ARHGAP44: variants seen among roughly 807,000 people sequenced by gnomAD.
The protein encoded by ARHGAP44 is rho GTPase-activating protein 44.
Under a neutral mutation model 106.8 loss-of-function variants are expected in ARHGAP44, and 43 were observed. The ratio of observed to expected loss-of-function variants is 0.40; its 90% confidence interval spans 0.32 to 0.52. The LOEUF is 0.52. Ranked by LOEUF, ARHGAP44 falls within the 20% of genes least tolerant of loss-of-function variation. ARHGAP44 has a pLI of 0.48. For synonymous variants in ARHGAP44, 439 were observed against 410.3 expected (o/e 1.07, Z -0.85); for missense variants, 866 against 1,050.5 (o/e 0.82, Z 2.43).
intron 1 of ARHGAP44, among the ~76,000 whole-genome samples, chr17:12,874,811 A>G (rs1597980072): frequency 6.6e-6 from 1 of 152,122 alleles, no homozygotes; most frequent in Non-Finnish European, 1.5e-5. Flanking sequence ...GATACTTGCT[A>G]TGCCAGGTGA....
intron 1 of ARHGAP44, among the ~76,000 whole-genome samples, chr17:12,815,799 G>A (rs1445388535): frequency 6.6e-6 from 1 of 152,212 alleles, no homozygotes; most frequent in Admixed American, 6.5e-5. Flanking sequence ...ACTTGAAAGT[G>A]AGCCGTTAAG....
At chr17:12,926,827 G>A (rs1268574764) in intron 6 of ARHGAP44, among the ~76,000 whole-genome samples, 2 of 151,870 alleles carry the variant, frequency 1.3e-5, no homozygotes, top group African/African-American at 4.8e-5. Context: ...ATATTGGTTA[G>A]TTATTTTTTC....
At position 12,813,251 on chromosome 17, in the gene ARHGAP44, C is replaced by T. The variant is rs113797867; in HGVS notation, c.53+23360C>T. 4.3e-4 allele frequency among the ~76,000 whole-genome samples: 65 copies of T among 151,356 alleles called. 1 individual carries two copies. Among genetic ancestry groups the T allele is most frequent in the African/African-American group, 1.5e-3 (63 of 41,186 alleles). On this transcript the variant is annotated intron_variant, in intron 1 of 20. Transcript: ENST00000379672. ...ACAGTCTGACCCTATCAGTCAACCA[C>T]GATTCAAGAATATTTACACTTTAAG...
chr17:12,855,517 C>T (rs967478805), intron 1 of ARHGAP44, among the ~76,000 whole-genome samples: 1 of 99,000 alleles, frequency 1.0e-5, no homozygotes, highest in Non-Finnish European at 2.0e-5. Context: ...ATGTTTTTTT[C>T]AGCATTTTAT....
intron 7 of ARHGAP44, among the ~76,000 whole-genome samples, chr17:12,940,334 A>G (rs2038673265): frequency 6.6e-6 from 1 of 152,220 alleles, no homozygotes; most frequent in South Asian, 2.1e-4. Context: ...TCTGCTCAAA[A>G]TGTACTTCTA....
rs915525662 is a variant in ARHGAP44 at position 12,974,048 on chromosome 17, TGTTAC to T, written c.1542-39_1542-35del. Reference sequence around the variant, plus strand: ...GGGAGGGAGCCTGTCTCCTGTCATCTGTTACGCGTGGGTAAGCGGTGTCTTTGTGT... The same window carrying T: ...GGGAGGGAGCCTGTCTCCTGTCATCTGCGTGGGTAAGCGGTGTCTTTGTGT... On this transcript the variant is annotated intron_variant, in intron 17 of 20. Coordinates refer to ENST00000379672, the MANE Select transcript of ARHGAP44 (RefSeq NM_014859.6). 2.6e-6 allele frequency: 4 copies of T among 1,538,652 alleles called. No homozygotes were observed. The African/African-American group carries it at 5.5e-5, about 21-fold the overall frequency.
intron 3 of ARHGAP44, among the ~76,000 whole-genome samples, chr17:12,901,445 G>T (rs180943929): frequency 2.6e-5 from 4 of 152,246 alleles, no homozygotes; most frequent in Admixed American, 2.6e-4. Flanking sequence ...AAGGACTCAT[G>T]GGTGGGGCCA....
rs1382160140 is a variant in ARHGAP44 at position 12,958,639 on chromosome 17, C to T, written c.1343-78C>T. 5 of 1,401,500 alleles carry T rather than the reference C, an allele frequency of 3.6e-6. No individual in the cohort carries two copies. The highest frequency in any genetic ancestry group is 5.0e-6 in the Non-Finnish European group (5 of 1,008,708). The allele number at this position is 1,401,500 out of a possible 1,614,324, so 86.8% of individuals were successfully genotyped here. On this transcript the variant is annotated intron_variant, in intron 15 of 20. Transcript: ENST00000379672. The surrounding 1 kb of genome is among the most constrained non-coding windows in gnomAD (Gnocchi z 4.1). ...GGATGACATACGAGGGAGTGGGTGT[C>T]TGGACTCATTCCTCCCCTGCCCAGG...
chr17:12,878,211 G>A (rs1461531751), intron 1 of ARHGAP44, among the ~76,000 whole-genome samples: 2 of 151,428 alleles, frequency 1.3e-5, no homozygotes, highest in Admixed American at 6.6e-5. Flanking sequence ...TCTCTAACTC[G>A]TTTGTTCACA....
At chr17:12,917,580 CT>C (rs1460685975) in intron 5 of ARHGAP44, among the ~76,000 whole-genome samples, 1 of 152,092 alleles carries the variant, frequency 6.6e-6, no homozygotes, top group Non-Finnish European at 1.5e-5. Context: ...TTCTCCCAGC[CT>C]GCTGACTCAC....
At chr17:12,903,608 T>C (rs1401207956) in intron 3 of ARHGAP44, among the ~76,000 whole-genome samples, 1 of 152,176 alleles carries the variant, frequency 6.6e-6, no homozygotes, top group Non-Finnish European at 1.5e-5. Flanking sequence ...TTAATTAATT[T>C]ATTTCAATAG....
At chr17:12,861,808 T>C (rs780467683) in intron 1 of ARHGAP44, among the ~76,000 whole-genome samples, 2 of 151,728 alleles carry the variant, frequency 1.3e-5, no homozygotes, top group African/African-American at 2.4e-5. Flanking sequence ...CTAGTTTTTG[T>C]ATTTTTAGTA....
chr17:12,836,537 A>G (rs2035243283), intron 1 of ARHGAP44, among the ~76,000 whole-genome samples: 4 of 151,986 alleles, frequency 2.6e-5, no homozygotes, highest in Non-Finnish European at 5.9e-5. Context: ...AATCCCAGCT[A>G]CTCGGGAGGC....
At chr17:12,869,919 C>T (rs1285583903) in intron 1 of ARHGAP44, among the ~76,000 whole-genome samples, 1 of 151,700 alleles carries the variant, frequency 6.6e-6, no homozygotes, top group Non-Finnish European at 1.5e-5. Flanking sequence ...TTTAAATAAC[C>T]CCCATTATAT....
intron 4 of ARHGAP44, among the ~76,000 whole-genome samples, chr17:12,911,407 G>A (rs1368190479): frequency 6.6e-6 from 1 of 151,950 alleles, no homozygotes; most frequent in Non-Finnish European, 1.5e-5. Context: ...GAGCTGTAAA[G>A]CATATGAATG....
chr17:12,943,700 G>T (rs747818120), intron 9 of ARHGAP44, 31 bp downstream of exon 9: 1 of 1,608,594 alleles, frequency 6.2e-7, no homozygotes, highest in Non-Finnish European at 8.5e-7. Flanking sequence ...GAGAAGGGAG[G>T]GCCGGGGTGC....
At chr17:12,900,945 T>C (rs7210654) in intron 3 of ARHGAP44, among the ~76,000 whole-genome samples, 20,134 of 130,028 alleles carry the variant, frequency 0.15, 2,260 homozygotes, top group East Asian at 0.37. Context: ...TTAATTGAGA[T>C]GGAGTTTCGC....
At chr17:12,811,980 AGGTTCCTGTG>A (rs1352486607) in intron 1 of ARHGAP44, among the ~76,000 whole-genome samples, 1 of 152,182 alleles carries the variant, frequency 6.6e-6, no homozygotes, top group Non-Finnish European at 1.5e-5. Context: ...TCACATTCTC[AGGTTCCTGTG>A]GTCAGGACAC....
chr17:12,978,992 T>C (rs886259599), intron 18 of ARHGAP44, among the ~76,000 whole-genome samples: 12 of 152,050 alleles, frequency 7.9e-5, no homozygotes, highest in Non-Finnish European at 1.8e-4. Flanking sequence ...CCGGCCCAGG[T>C]TGTGCCTGCT....
Sources: gnomAD v4.1 joint callset for allele counts (sites outside exome capture counted in the v4.1 genomes callset) on GRCh38, gnomAD v4.1.1 for gene constraint, Gnocchi (gnomAD v3.1) non-coding constraint, MANE v1.5 for transcripts, NCBI Gene and HGNC (gene_info 2026-07-23, HGNC 2026-07-21) for gene names.